Variants in ADGRA3 observed in about 807,000 individuals in gnomAD.
ADGRA3 encodes G-protein coupled receptor 125.
In ADGRA3, 56 loss-of-function variants were observed where a neutral mutation model predicts 119.8. The observed-to-expected ratio is 0.47, with a 90% CI of 0.38 to 0.58. The LOEUF is 0.58. Ranked by LOEUF, ADGRA3 falls within the 20% of genes least tolerant of loss-of-function variation. The probability of loss-of-function intolerance (pLI) is 0.00; values close to 1 mark genes in which losing one functional copy is unlikely to be tolerated. For missense variants in ADGRA3, 1,516 were observed against 1,649.0 expected (o/e 0.92, Z 1.40); for synonymous variants, 607 against 623.8 (o/e 0.97, Z 0.40).
chr4:22,430,158 A>T (rs775227939), intron 10 of ADGRA3, among the ~76,000 whole-genome samples: 43 of 152,146 alleles, frequency 2.8e-4, no homozygotes, highest in Non-Finnish European at 4.1e-4. Flanking sequence ...AGTCCATTAA[A>T]CCACTTTTTC....
At position 22,432,771 on chromosome 4, in the gene ADGRA3, G is replaced by C. The variant is rs367667774; in HGVS notation, c.1443+2540C>G. On this transcript the variant is annotated intron_variant, in intron 10 of 18. Transcript: ENST00000334304. ...ATCACTTAGATCTGGCAGTTTGAGA[G>C]CTTTTAATGCCTATCCTGAGACAAC... 3.5e-4 allele frequency among the ~76,000 whole-genome samples: 53 copies of C among 152,252 alleles called. 1 individual carries two copies. In the South Asian group the frequency reaches 8.1e-3, roughly 23 times the overall value.
rs559107819 is a variant in ADGRA3, at chr4:22,407,783, G to A, written c.2233-4984C>T. Among the ~76,000 whole-genome samples the A allele has an allele frequency of 2.0e-5, 3 of 152,274 alleles. No homozygotes were observed. The East Asian group carries it at 5.8e-4, about 29-fold the overall frequency. ...TTTTTAGAACTGTTTACTTGTCAGA[G>A]ATTCATATATTTACAAGTGTTACTT... is the stretch of plus-strand genomic sequence containing the variant. On this transcript the variant is annotated intron_variant, in intron 14 of 18. Transcript: ENST00000334304.
At chr4:22,484,621 A>G (rs528518769) in intron 1 of ADGRA3, among the ~76,000 whole-genome samples, 46 of 150,042 alleles carry the variant, frequency 3.1e-4, no homozygotes, top group African/African-American at 1.0e-3. Flanking sequence ...AAAAAAAAAA[A>G]GCGTAAGCAG....
chr4:22,468,258 C>T (rs1560332469), intron 2 of ADGRA3, among the ~76,000 whole-genome samples: 1 of 152,190 alleles, frequency 6.6e-6, no homozygotes, highest in Non-Finnish European at 1.5e-5. Flanking sequence ...CTCTGCTCCT[C>T]ATCTCTTATT....
chr4:22,511,883 T>TTTTA (rs1719458966), intron 1 of ADGRA3, among the ~76,000 whole-genome samples: 3 of 123,654 alleles, frequency 2.4e-5, no homozygotes, highest in Non-Finnish European at 5.1e-5. Context: ...ACAGTTATAT[T>TTTTA]TTTCTTTCTT....
intron 1 of ADGRA3, among the ~76,000 whole-genome samples, chr4:22,514,809 T>A (rs1719580271): frequency 6.6e-6 from 1 of 152,150 alleles, no homozygotes; most frequent in Non-Finnish European, 1.5e-5. Flanking sequence ...CCAAAATTTT[T>A]CCTTCCAGGT....
chr4:22,468,027 T>C (rs1348631344), intron 2 of ADGRA3, among the ~76,000 whole-genome samples: 1 of 152,182 alleles, frequency 6.6e-6, no homozygotes, highest in African/African-American at 2.4e-5. Flanking sequence ...AAAGTAATTA[T>C]CTGGCATTAC....
At position 22,515,747 on chromosome 4, in the gene ADGRA3, G is replaced by T. The variant is rs1415861816; in HGVS notation, c.38C>A (p.Pro13Gln). ...CAGCGAGAGCGGCAGCAACAGCGGC[G>T]GCTGCGCGCGGCCCCGCCGGCGTCC... The part of the protein sequence containing the change: ...PPGRRRGRAQ[P>Q]PLLLPLSLLA... The change falls in exon 1 of 19, where the codon CCG becomes CAG. Residue 13 changes from proline to glutamine, a missense_variant. Physicochemically the swap from Pro to Gln is moderately conservative, Grantham distance 76 (BLOSUM62 -1). This residue lies in a region of ADGRA3 where 428 missense variants were observed against 541.9 expected (regional missense o/e 0.79). Coordinates refer to ENST00000334304, the MANE Select transcript of ADGRA3 (RefSeq NM_145290.4). 5.8e-6 allele frequency: 6 copies of T among 1,029,894 alleles called. No homozygotes were observed. Among genetic ancestry groups the T allele is most frequent in the Non-Finnish European group, 6.9e-6 (6 of 863,606 alleles). 63.8% of individuals were successfully genotyped at this position (1,029,894 alleles called of 1,614,324 possible).
intron 1 of ADGRA3, among the ~76,000 whole-genome samples, chr4:22,477,449 A>C (rs1718088914): frequency 6.6e-6 from 1 of 152,232 alleles, no homozygotes; most frequent in Non-Finnish European, 1.5e-5. Flanking sequence ...TTAATGAGCA[A>C]AGCTGTCAAA....
intron 14 of ADGRA3, among the ~76,000 whole-genome samples, chr4:22,406,306 T>C (rs971443871): frequency 2.6e-5 from 4 of 152,204 alleles, no homozygotes; most frequent in Non-Finnish European, 5.9e-5. Context: ...ATCTCTTCAA[T>C]ATACTGATTT....
chr4:22,423,944 C>T (rs1577339488), intron 11 of ADGRA3, among the ~76,000 whole-genome samples: 1 of 151,726 alleles, frequency 6.6e-6, no homozygotes, highest in Non-Finnish European at 1.5e-5. Flanking sequence ...GCAAAATTAA[C>T]TTATAAAATG....
intron 16 of ADGRA3, chr4:22,393,709 A>G (rs936303180): frequency 6.6e-6 from 1 of 152,184 alleles, no homozygotes; most frequent in African/African-American, 2.4e-5. Context: ...GTGACAAGCA[A>G]TTAGTAGAAA....
intron 11 of ADGRA3, 23 bp from the exon 12 acceptor site, chr4:22,421,112 A>G: frequency 6.3e-7 from 1 of 1,593,010 alleles, no homozygotes; most frequent in Non-Finnish European, 8.6e-7. Context: ...ATCAAACAGG[A>G]GTTATGAACG....
chr4:22,414,692 T>A (rs1212508635), intron 12 of ADGRA3: 4 of 654,782 alleles, frequency 6.1e-6, no homozygotes, highest in Non-Finnish European at 1.1e-5. Flanking sequence ...AATCCTAAGT[T>A]CACCATATAA....
rs140982803 is a variant in ADGRA3 at position 22,490,211 on chromosome 4, T to C, written c.258-16368A>G. Among the ~76,000 whole-genome samples, 1,488 of 152,144 alleles carry C rather than the reference T, an allele frequency of 9.8e-3. 20 individuals carry two copies. Among genetic ancestry groups the C allele is most frequent in the African/African-American group, 0.034 (1,410 of 41,536 alleles). On this transcript the variant is annotated intron_variant, in intron 1 of 18. Coordinates refer to ENST00000334304, the MANE Select transcript of ADGRA3 (RefSeq NM_145290.4). ...TTAAGAAAAATTGAAGCGTTTTTAATGCCATAGTAGATATCTTTCAAAAAT... is the reference window on the plus strand; with the variant it reads ...TTAAGAAAAATTGAAGCGTTTTTAACGCCATAGTAGATATCTTTCAAAAAT...
intron 1 of ADGRA3, among the ~76,000 whole-genome samples, chr4:22,488,512 A>G (rs1718515293): frequency 6.6e-6 from 1 of 152,186 alleles, no homozygotes; most frequent in Non-Finnish European, 1.5e-5. Context: ...AGCCTCGTAC[A>G]ATTCACAGGC....
chr4:22,511,731 CCAGA>C (rs762606750), intron 1 of ADGRA3, among the ~76,000 whole-genome samples: 24 of 152,022 alleles, frequency 1.6e-4, no homozygotes, highest in Non-Finnish European at 3.4e-4. Flanking sequence ...ACCCTGGGCA[CCAGA>C]CACTTACCTT....
intron 2 of ADGRA3, among the ~76,000 whole-genome samples, chr4:22,466,653 C>T (rs529941358): frequency 6.6e-6 from 1 of 151,208 alleles, no homozygotes; most frequent in South Asian, 2.1e-4. Context: ...GAGGCAGAGG[C>T]TGCAGTGCCG....
chr4:22,502,893 GAAA>G (rs71182944), intron 1 of ADGRA3, among the ~76,000 whole-genome samples: 4,613 of 120,076 alleles, frequency 0.038, 193 homozygotes, highest in African/African-American at 0.09. Flanking sequence ...CTACTTAAGG[GAAA>G]AAAAAAAAAA....
Sources: allele counts gnomAD v4.1 joint callset (sites outside exome capture counted in the v4.1 genomes callset), GRCh38; gene constraint gnomAD v4.1.1; regional missense constraint gnomAD v4.1.1; transcripts MANE v1.5; gene names NCBI Gene and HGNC (gene_info 2026-07-23, HGNC 2026-07-21).